The following PBRM1 variants were observed in gnomAD, a reference collection of about 807,000 sequenced individuals.
PBRM1 encodes protein polybromo-1.
A neutral mutation model predicts 194.5 loss-of-function variants in PBRM1; 27 were observed. That is an observed-to-expected ratio of 0.14 (90% CI 0.10 to 0.19). The LOEUF is 0.19. Among genes scored for constraint, PBRM1 ranks in the 10% least tolerant of loss-of-function variants. The probability of loss-of-function intolerance (pLI) is 1.00; values close to 1 mark genes in which losing one functional copy is unlikely to be tolerated. For synonymous variants in PBRM1, 655 were observed against 693.2 expected (o/e 0.94, Z 0.87); for missense variants, 1,466 against 2,077.2 (o/e 0.71, Z 5.72).
intron 3 of PBRM1, among the ~76,000 whole-genome samples, chr3:52,663,166 T>A (rs1016854398): frequency 6.6e-6 from 1 of 152,172 alleles, no homozygotes; most frequent in Non-Finnish European, 1.5e-5. Flanking sequence ...GGAAACCAGA[T>A]GAAAACCCAC....
intron 5 of PBRM1, among the ~76,000 whole-genome samples, chr3:52,657,303 T>C (rs1577781368): frequency 6.6e-6 from 1 of 152,172 alleles, no homozygotes; most frequent in Non-Finnish European, 1.5e-5. Flanking sequence ...TTATGATACA[T>C]ATCCTTTACC....
chr3:52,583,168 G>GA (rs2091712417), intron 20 of PBRM1, among the ~76,000 whole-genome samples: 1 of 150,518 alleles, frequency 6.6e-6, no homozygotes, highest in Non-Finnish European at 1.5e-5. Flanking sequence ...CTAGCACTTT[G>GA]GGAGGCCGAG....
intron 3 of PBRM1, among the ~76,000 whole-genome samples, chr3:52,667,746 C>CAAA (rs34993730): frequency 0.033 from 2,839 of 85,488 alleles, 116 homozygotes; most frequent in African/African-American, 0.11. Context: ...GACTTTGCCT[C>CAAA]AAAAAAAAAA....
intron 10 of PBRM1, among the ~76,000 whole-genome samples, chr3:52,636,197 G>C (rs1246236864): frequency 2.0e-5 from 3 of 152,112 alleles, no homozygotes; most frequent in African/African-American, 7.2e-5. Flanking sequence ...TATCAGACAT[G>C]ATTTAGCCTT....
intron 26 of PBRM1, among the ~76,000 whole-genome samples, chr3:52,556,203 A>C (rs1331957859): frequency 6.6e-6 from 1 of 152,218 alleles, no homozygotes; most frequent in Non-Finnish European, 1.5e-5. Flanking sequence ...AAATTACTAA[A>C]AATTCTGAGG....
At chr3:52,683,152 G>A (rs1027032349), upstream of PBRM1, among the ~76,000 whole-genome samples, 3 of 151,756 alleles carry the variant, frequency 2.0e-5, no homozygotes, top group African/African-American at 7.3e-5. Context: ...GCAGTGAGCC[G>A]AGATGGCACC....
rs186116265 is a variant in PBRM1 at position 52,594,513 on chromosome 3, C to T, written c.2780-5258G>A. Reference sequence around the variant, plus strand: ...GAGATGGGTCTCTTGAAGACAGCATCCCATTAGACCTTGCTTATTTATCCA... The same window carrying T: ...GAGATGGGTCTCTTGAAGACAGCATTCCATTAGACCTTGCTTATTTATCCA... On this transcript the variant is annotated intron_variant, in intron 17 of 29. Coordinates refer to ENST00000296302, the Ensembl canonical transcript of PBRM1. 3.3e-3 allele frequency among the ~76,000 whole-genome samples: 506 copies of T among 152,238 alleles called. 3 individuals carry two copies. The highest frequency in any genetic ancestry group is 3.3e-3 in the Non-Finnish European group (225 of 68,012).
downstream of PBRM1, chr3:52,547,845 CA>C: frequency 6.8e-6 from 3 of 440,808 alleles, no homozygotes; most frequent in Non-Finnish European, 1.2e-5. Flanking sequence ...GAAACATATG[CA>C]AAAAAATCTT....
chr3:52,644,706 C>T (rs1310042762), exon 8 of PBRM1: 1 of 1,507,350 alleles, frequency 6.6e-7, no homozygotes, highest in Admixed American at 1.7e-5. Context: ...AAACCTACCT[C>T]ATTCGAAGAC....
chr3:52,671,858 T>C (rs1201181687), intron 2 of PBRM1, among the ~76,000 whole-genome samples: 1 of 152,212 alleles, frequency 6.6e-6, no homozygotes, highest in Non-Finnish European at 1.5e-5. Flanking sequence ...GGCTTGCTCG[T>C]TGAGGTGAGA....
intron 18 of PBRM1, among the ~76,000 whole-genome samples, chr3:52,588,552 C>CTTT (rs36058575): frequency 7.5e-4 from 83 of 110,080 alleles, no homozygotes; most frequent in Middle Eastern, 5.1e-3. Context: ...GTATTTCTTT[C>CTTT]TTTTTTTTTT....
Position 52,609,977 on chromosome 3 carries a change from T to C in PBRM1, c.1925-22A>G, listed in dbSNP as rs1266563565. On this transcript the variant is annotated intron_variant, in intron 15 of 29. Coordinates refer to ENST00000296302, the Ensembl canonical transcript of PBRM1. This position sits in a 1 kb window ranked among gnomAD's most constrained non-coding sequence, Gnocchi z 4.1. ...CTACCTAAAGAGAGATATTTAATGT[T>C]AAATGAATAAAATAAATGAACCTAA... The C allele has an allele frequency of 7.3e-7, 1 of 1,364,304 alleles. No homozygotes were observed. Among genetic ancestry groups the C allele is most frequent in the Non-Finnish European group, 9.8e-7 (1 of 1,017,060 alleles). 84.5% of individuals were successfully genotyped at this position (1,364,304 alleles called of 1,614,324 possible).
At chr3:52,573,894 C>T (rs1340841556) in intron 22 of PBRM1, among the ~76,000 whole-genome samples, 2 of 152,130 alleles carry the variant, frequency 1.3e-5, no homozygotes, top group Non-Finnish European at 2.9e-5. Flanking sequence ...GCCTCTATTC[C>T]TGGTGTAAGA....
At chr3:52,667,837 A>T (rs1256978247) in intron 3 of PBRM1, among the ~76,000 whole-genome samples, 1 of 151,576 alleles carries the variant, frequency 6.6e-6, no homozygotes, top group African/African-American at 2.4e-5. Context: ...AGGCAGGAGG[A>T]TCACTTGAGG....
At chr3:52,612,067 G>A (rs2094646216) in intron 15 of PBRM1, among the ~76,000 whole-genome samples, 1 of 151,532 alleles carries the variant, frequency 6.6e-6, no homozygotes, top group Non-Finnish European at 1.5e-5. Flanking sequence ...AGACCAGCCT[G>A]GCCAATATGG....
intron 22 of PBRM1, among the ~76,000 whole-genome samples, chr3:52,569,923 G>T (rs749333313): frequency 2.6e-5 from 4 of 152,098 alleles, no homozygotes; most frequent in Non-Finnish European, 5.9e-5. Flanking sequence ...AGTACCTCTA[G>T]AACAATGTTA....
At chr3:52,594,128 T>C (rs1007756842) in intron 17 of PBRM1, among the ~76,000 whole-genome samples, 11 of 152,174 alleles carry the variant, frequency 7.2e-5, no homozygotes, top group Non-Finnish European at 1.5e-4. Context: ...GCAATCCTCC[T>C]GTCTTGGCCT....
chr3:52,579,774 C>T (rs2090622602), intron 20 of PBRM1, among the ~76,000 whole-genome samples: 1 of 152,136 alleles, frequency 6.6e-6, no homozygotes, highest in South Asian at 2.1e-4. Context: ...TATCCTGTCT[C>T]CCTCCTGCTC....
downstream of PBRM1, chr3:52,545,740 A>G (rs1375494843): frequency 4.3e-6 from 1 of 233,058 alleles, no homozygotes; most frequent in Admixed American, 5.6e-5. Context: ...TCTCCACAGG[A>G]ACTTACATTT....
Sources: allele counts gnomAD v4.1 joint callset (sites outside exome capture counted in the v4.1 genomes callset), GRCh38; gene constraint gnomAD v4.1.1; non-coding constraint Gnocchi (gnomAD v3.1); transcripts MANE v1.5; gene names NCBI Gene and HGNC (gene_info 2026-07-23, HGNC 2026-07-21).